The following PHACTR3 variants were observed in gnomAD, a reference collection of about 807,000 sequenced individuals.
PHACTR3 encodes the protein protein phosphatase 1, regulatory subunit 123.
PHACTR3 carries 16 observed loss-of-function variants against 66.8 expected under a neutral mutation model. The observed-to-expected ratio is 0.24, with a 90% CI of 0.16 to 0.36. PHACTR3 has a LOEUF of 0.36. PHACTR3 is among the 10% of genes least tolerant of loss of function. The probability of loss-of-function intolerance (pLI) is 1.00; values close to 1 mark genes in which losing one functional copy is unlikely to be tolerated. For synonymous variants in PHACTR3, 323 were observed against 292.1 expected, an observed-to-expected ratio of 1.11 and a Z score of -1.08; for missense variants, 647 against 719.9, an observed-to-expected ratio of 0.90 and a Z score of 1.16.
Position 59,686,632 on chromosome 20 carries a change from GTGATGATGGTGGTGA to G in PHACTR3, c.119-56448_119-56434del, listed in dbSNP as rs1472154822. Among the ~76,000 whole-genome samples, 56 of 149,810 alleles carry G rather than the reference GTGATGATGGTGGTGA, an allele frequency of 3.7e-4. No individual in the cohort carries two copies. In the East Asian group the frequency reaches 7.8e-3, roughly 21 times the overall value. ...GGTGATGATGATGGTTGTGATGATTGTGATGATGGTGGTGATGATGATGGTGGTGATGATGATGGT... is the reference window on the plus strand; with the variant it reads ...GGTGATGATGATGGTTGTGATGATTGTGATGATGGTGGTGATGATGATGGT... On this transcript the variant is annotated intron_variant, in intron 1 of 12. Transcript: ENST00000371015.
rs1366258362 is a variant in PHACTR3 at position 59,829,030 on chromosome 20, G to A, written c.1329-7475G>A. ...GGGTGTTGGACGTAGGGAGTAAGAGGAGCCAGTTCTCCCAGGGGTCTGGTG... is the reference window on the plus strand; with the variant it reads ...GGGTGTTGGACGTAGGGAGTAAGAGAAGCCAGTTCTCCCAGGGGTCTGGTG... On this transcript the variant is annotated intron_variant, in intron 8 of 12. Coordinates refer to ENST00000371015, the MANE Select transcript of PHACTR3 (RefSeq NM_080672.5). The surrounding 1 kb of genome is among the most constrained non-coding windows in gnomAD (Gnocchi z 4.2). 6.6e-6 allele frequency among the ~76,000 whole-genome samples: 1 copy of A among 152,080 alleles called. No individual in the cohort carries two copies. The highest frequency in any genetic ancestry group is 1.9e-4 in the East Asian group (1 of 5,160).
In PHACTR3 at chr20:59,686,430, C is replaced by G. The variant is rs533770183; in HGVS notation, c.119-56677C>G. Among the ~76,000 whole-genome samples the G allele has an allele frequency of 4.8e-4, 73 of 152,312 alleles. 1 individual carries two copies. Among genetic ancestry groups the G allele is most frequent in the African/African-American group, 1.7e-3 (69 of 41,576 alleles). On this transcript the variant is annotated intron_variant, in intron 1 of 12. Coordinates refer to ENST00000371015, the MANE Select transcript of PHACTR3 (RefSeq NM_080672.5). ...TATGTTTAAAGTCCTGGAACAGTGCCAATGCCCACCACATAGTAATTTCCA... is the reference window on the plus strand; with the variant it reads ...TATGTTTAAAGTCCTGGAACAGTGCGAATGCCCACCACATAGTAATTTCCA...
intron 1 of PHACTR3, among the ~76,000 whole-genome samples, chr20:59,645,653 A>G (rs2146436347): frequency 6.6e-6 from 1 of 152,328 alleles, no homozygotes; most frequent in South Asian, 2.1e-4. Flanking sequence ...ATAAATTTAT[A>G]TAATGATATA....
intron 5 of PHACTR3, among the ~76,000 whole-genome samples, chr20:59,772,528 A>G (rs1472169338): frequency 6.6e-6 from 1 of 152,212 alleles, no homozygotes; most frequent in African/African-American, 2.4e-5. Context: ...GTATTCTAGC[A>G]GAGGAGCGGG....
intron 9 of PHACTR3, among the ~76,000 whole-genome samples, chr20:59,838,971 TTTCAAAGATCAGTTC>T (rs1366744650): frequency 6.6e-6 from 1 of 151,904 alleles, no homozygotes; most frequent in East Asian, 1.9e-4. Flanking sequence ...TGACAGGAAC[TTTCAAAGATCAGTTC>T]TCCAAAGACC....
intron 8 of PHACTR3, among the ~76,000 whole-genome samples, chr20:59,817,031 G>A (rs909315661): frequency 7.9e-5 from 12 of 152,158 alleles, no homozygotes; most frequent in African/African-American, 2.4e-4. Flanking sequence ...GTCTCAGCAC[G>A]CACAGTGGGT....
chr20:59,721,437 G>A (rs2038293106), intron 1 of PHACTR3: 1 of 152,480 alleles, frequency 6.6e-6, no homozygotes, highest in Admixed American at 6.5e-5. Flanking sequence ...TCCCAGCTCT[G>A]GGTGAGACAT....
intron 1 of PHACTR3, among the ~76,000 whole-genome samples, chr20:59,619,586 A>G (rs2034163133): frequency 6.6e-6 from 1 of 152,058 alleles, no homozygotes; most frequent in African/African-American, 2.4e-5. Flanking sequence ...CTGGGCTGAC[A>G]CACCGATTTC....
chr20:59,602,618 T>TCC (rs540492283), upstream of PHACTR3, among the ~76,000 whole-genome samples: 2 of 151,728 alleles, frequency 1.3e-5, no homozygotes, highest in Admixed American at 6.6e-5. Context: ...ATCTTTCTCC[T>TCC]CCCCCCCACC....
chr20:59,693,050 G>A (rs2037168442), intron 1 of PHACTR3, among the ~76,000 whole-genome samples: 2 of 152,078 alleles, frequency 1.3e-5, no homozygotes, highest in African/African-American at 4.8e-5. Context: ...GATTTGTCGG[G>A]GTCACATTAC....
At chr20:59,626,601 AG>A in intron 1 of PHACTR3, 1 of 152,464 alleles carries the variant, frequency 6.6e-6, no homozygotes, top group East Asian at 1.9e-4. Flanking sequence ...AGTGATGGAA[AG>A]GGGCAAGTTT....
chr20:59,812,393 G>T (rs2041762382), intron 8 of PHACTR3, among the ~76,000 whole-genome samples: 1 of 152,212 alleles, frequency 6.6e-6, no homozygotes, highest in African/African-American at 2.4e-5. Context: ...AGAACACGCT[G>T]CACCCTCAGG....
chr20:59,761,047 G>C (rs1159201265), intron 4 of PHACTR3, among the ~76,000 whole-genome samples: 1 of 152,066 alleles, frequency 6.6e-6, no homozygotes, highest in Non-Finnish European at 1.5e-5. Context: ...CTAAACTCTA[G>C]AGCCAAACAG....
intron 1 of PHACTR3, among the ~76,000 whole-genome samples, chr20:59,700,422 A>G (rs1392980898): frequency 6.6e-6 from 1 of 152,220 alleles, no homozygotes; most frequent in East Asian, 1.9e-4. Context: ...AGACCAAATT[A>G]TATGTGCATT....
intron 1 of PHACTR3, among the ~76,000 whole-genome samples, chr20:59,593,731 T>C (rs2033251099): frequency 6.6e-6 from 1 of 152,248 alleles, no homozygotes; most frequent in Non-Finnish European, 1.5e-5. Flanking sequence ...GGATATCCAC[T>C]TGTTTGAGAA....
intron 1 of PHACTR3, among the ~76,000 whole-genome samples, chr20:59,719,977 A>G (rs6064829): frequency 0.052 from 7,850 of 152,214 alleles, 264 homozygotes; most frequent in Non-Finnish European, 0.08. Flanking sequence ...GTTTTTCCAA[A>G]TGATATTGTA....
At chr20:59,605,189 T>G in intron 1 of PHACTR3, 57 bp downstream of exon 1, 1 of 1,204,882 alleles carries the variant, frequency 8.3e-7, no homozygotes, top group South Asian at 2.5e-5. Flanking sequence ...CAGGTGGCGC[T>G]GAGAGCAGGA....
intron 1 of PHACTR3, among the ~76,000 whole-genome samples, chr20:59,690,895 G>C (rs1252290013): frequency 4.6e-5 from 7 of 152,210 alleles, no homozygotes; most frequent in African/African-American, 1.7e-4. Flanking sequence ...GGTCAAATCA[G>C]ATTAGATTTA....
At chr20:59,706,360 A>C (rs2037700728) in intron 1 of PHACTR3, among the ~76,000 whole-genome samples, 1 of 152,182 alleles carries the variant, frequency 6.6e-6, no homozygotes, top group Non-Finnish European at 1.5e-5. Flanking sequence ...GAGGCACCAA[A>C]ACTGCAGCAC....
Sources: gnomAD v4.1 joint callset for allele counts (sites outside exome capture counted in the v4.1 genomes callset) on GRCh38, gnomAD v4.1.1 for gene constraint, Gnocchi (gnomAD v3.1) non-coding constraint, MANE v1.5 for transcripts, NCBI Gene and HGNC (gene_info 2026-07-23, HGNC 2026-07-21) for gene names.